Variants in POMT1 observed in about 807,000 individuals in gnomAD.
The protein encoded by POMT1 is protein O-mannosyltransferase 1, also known as protein O-mannosyl-transferase 1.
A neutral mutation model predicts 101.6 loss-of-function variants in POMT1; 85 were observed. That is an observed-to-expected ratio of 0.84 (90% CI 0.70 to 1.00). The LOEUF is 1.00. Among genes scored for constraint, POMT1 ranks in the 50% least tolerant of loss-of-function variants. POMT1 has a pLI of 0.00. For missense variants in POMT1, 857 were observed against 930.4 expected (o/e 0.92, Z 1.03); for synonymous variants, 371 against 383.0 (o/e 0.97, Z 0.37).
intron 4 of POMT1, chr9:131,506,717 T>C: frequency 1.9e-6 from 1 of 513,392 alleles, no homozygotes; most frequent in South Asian, 2.1e-5. Flanking sequence ...ACAGAGCGTC[T>C]GATTGTGATG....
chr9:131,508,836 T>G (rs1245121929), intron 5 of POMT1, 75 bp from the exon 6 acceptor site: 4 of 1,073,044 alleles, frequency 3.7e-6, no homozygotes, highest in South Asian at 2.5e-5. Flanking sequence ...AATGCCTTTT[T>G]TCATGAGTGT....
Position 131,507,475 on chromosome 9 carries a change from C to CCAG in POMT1, c.388_389insCAG (p.His130delinsProAsp). On this transcript the variant is annotated protein_altering_variant, in exon 5 of 20. Coordinates refer to ENST00000402686, the MANE Select transcript of POMT1 (RefSeq NM_001077365.2). Reference sequence around the variant, plus strand: ...GATAGTGTTGGAGCTCCACTTTTCTCATTGTGCCGCCATGGGAGCTGCTCT... The same window carrying CCAG: ...GATAGTGTTGGAGCTCCACTTTTCTCCAGATTGTGCCGCCATGGGAGCTGCTCT... 6.2e-7 allele frequency: 1 copy of CCAG among 1,614,186 alleles called. No individual in the cohort carries two copies. Among genetic ancestry groups the CCAG allele is most frequent in the Non-Finnish European group, 8.5e-7 (1 of 1,180,030 alleles).
Position 131,520,148 on chromosome 9 carries a change from C to T in POMT1, c.1653C>T (p.Val551=). 6.2e-7 allele frequency: 1 copy of T among 1,613,834 alleles called. No homozygotes were observed. The highest frequency in any genetic ancestry group is 8.5e-7 in the Non-Finnish European group (1 of 1,180,026). ...ACAGCTCCAGCCCACTGGAGTGGGTCACCCTGGACACCAATATTGCCTACT... is the reference window on the plus strand; with the variant it reads ...ACAGCTCCAGCCCACTGGAGTGGGTTACCCTGGACACCAATATTGCCTACT... ...HKYSSSPLEW[V]TLDTNIAYWL... is the part of the protein sequence containing the mutation. The change falls in exon 17 of 20, where the codon GTC becomes GTT. Residue 551 remains valine, a synonymous_variant. Transcript: ENST00000402686.
chr9:131,514,834 T>C (rs1947943311), intron 12 of POMT1, among the ~76,000 whole-genome samples: 1 of 152,176 alleles, frequency 6.6e-6, no homozygotes, highest in South Asian at 2.1e-4. Context: ...CATGTGCCTG[T>C]AATCCCAGCT....
In POMT1 at chr9:131,520,081, G is replaced by A; in HGVS notation, c.1586G>A (p.Trp529Ter). Residue 529 changes from tryptophan to a stop codon, truncating the protein, a stop_gained and splice_region_variant, in exon 17 of 20, where the codon TGG becomes TAG. Coordinates refer to ENST00000402686, the MANE Select transcript of POMT1 (RefSeq NM_001077365.2). LOFTEE classifies it high-confidence loss of function. ...SFMARFSELQWRMLALRSDDS... is the reference protein window; with the variant it reads ...SFMARFSELQ The stretch of plus-strand genomic sequence containing the variant: ...TCAGAGGCCTCTGCTTTGTTCCAGT[G>A]GAGGATGCTGGCGCTGAGAAGTGAT... 1 of 1,613,340 alleles carries A rather than the reference G, an allele frequency of 6.2e-7. No individual in the cohort carries two copies. The highest frequency in any genetic ancestry group is 1.3e-5 in the African/African-American group (1 of 75,030).
Position 131,509,807 on chromosome 9 carries a change from G to T in POMT1, c.604G>T (p.Gly202Cys), listed in dbSNP as rs1397038512. The change falls in exon 7 of 20, where the codon GGC (glycine) becomes TGC (cysteine). Residue 202 changes from glycine to cysteine, a missense_variant and splice_region_variant. By Grantham distance (159) the Gly-to-Cys change is radical. Coordinates refer to ENST00000402686, the MANE Select transcript of POMT1 (RefSeq NM_001077365.2). ...LTGVACSCAV[G>C]IKYMGVFTYV... ...AGGGGTCGCTTGTTCCTGTGCAGTG[G>T]GGTGAGTTTGAGCCTCTGGTCTTGG... 6.2e-7 allele frequency: 1 copy of T among 1,614,216 alleles called. No homozygotes were observed. The highest frequency in any genetic ancestry group is 8.5e-7 in the Non-Finnish European group (1 of 1,180,046).
At chr9:131,509,856 A>T in intron 7 of POMT1, 47 bp from the exon 8 acceptor site, 1 of 1,613,912 alleles carries the variant, frequency 6.2e-7, no homozygotes, top group Admixed American at 1.7e-5. Context: ...CCATCTCCTT[A>T]TGTTTTCCTG....
At position 131,518,831 on chromosome 9, in the gene POMT1, C is replaced by T. The variant is rs781702944; in HGVS notation, c.1366-6C>T. ...CACGCCCTTTACTCTCCTGCGGTGT[C>T]ACCAGCTGAGCGGGGCTCACCTCCC... On this transcript the variant is annotated splice_region_variant and splice_polypyrimidine_tract_variant and intron_variant, in intron 14 of 19. Coordinates refer to ENST00000402686, the MANE Select transcript of POMT1 (RefSeq NM_001077365.2). 7 of 1,613,852 alleles carry T rather than the reference C, an allele frequency of 4.3e-6. No individual in the cohort carries two copies. The African/African-American group carries it at 8.0e-5, about 18-fold the overall frequency.
rs531445533 is a variant in POMT1 at position 131,514,438 on chromosome 9, G to C, written c.1176-988G>C. 2.0e-5 allele frequency among the ~76,000 whole-genome samples: 3 copies of C among 152,362 alleles called. No individual in the cohort carries two copies. The South Asian group carries it at 6.2e-4, about 32-fold the overall frequency. On this transcript the variant is annotated intron_variant, in intron 12 of 19. Coordinates refer to ENST00000402686, the MANE Select transcript of POMT1 (RefSeq NM_001077365.2). ...CCATGGCCCCTCTATGTAGGGGTCT[G>C]CTGGGATGTCACTGCATCCAAAAGT... is the stretch of plus-strand genomic sequence containing the variant.
At chr9:131,520,436 C>T (rs1949689979) in intron 17 of POMT1, among the ~76,000 whole-genome samples, 1 of 152,212 alleles carries the variant, frequency 6.6e-6, no homozygotes, top group Non-Finnish European at 1.5e-5. Flanking sequence ...CACATTGTTC[C>T]CCTTTTCCTG....
chr9:131,506,538 C>CT (rs1251585331), intron 4 of POMT1, 85 bp downstream of exon 4: 776 of 1,310,572 alleles, frequency 5.9e-4, no homozygotes, highest in Non-Finnish European at 7.4e-4. Flanking sequence ...ACAACTGTGG[C>CT]TTTTTTTTTC....
At position 131,519,457 on chromosome 9, in the gene POMT1, A is replaced by G. The variant is rs1564381465; in HGVS notation, c.1555A>G (p.Ser519Gly). 1 of 1,551,156 alleles carries G rather than the reference A, an allele frequency of 6.4e-7. No homozygotes were observed. Among genetic ancestry groups the G allele is most frequent in the Admixed American group, 2.0e-5 (1 of 51,008 alleles). Residue 519 changes from serine to glycine, a missense_variant, in exon 16 of 20, where the codon AGC becomes GGC. By Grantham distance (56) the Ser-to-Gly change is moderately conservative (BLOSUM62 0). Transcript: ENST00000402686. The surrounding 1 kb of genome is among the most constrained non-coding windows in gnomAD (Gnocchi z 4.3). Reference sequence around the variant, plus strand: ...GCAGGTGGACGTCAGCAGGAACCTCAGCTTCATGGCGAGATTCTCGGAGCT... The same window carrying G: ...GCAGGTGGACGTCAGCAGGAACCTCGGCTTCATGGCGAGATTCTCGGAGCT... ...PAQVDVSRNLSFMARFSELQW... is the reference protein window; with the variant it reads ...PAQVDVSRNLGFMARFSELQW...
At chr9:131,521,149 A>T in intron 17 of POMT1, 197 bp from the exon 18 acceptor site, 1 of 696,890 alleles carries the variant, frequency 1.4e-6, no homozygotes, top group Non-Finnish European at 2.5e-6. Flanking sequence ...GGCTGGCATC[A>T]GTGCTTTTAA....
Position 131,503,852 on chromosome 9 carries a change from A to G in POMT1, c.-30-337A>G, listed in dbSNP as rs1273091561. On this transcript the variant is annotated intron_variant, in intron 1 of 19. Transcript: ENST00000402686. The surrounding 1 kb of genome is among the most constrained non-coding windows in gnomAD (Gnocchi z 4.4). ...CCCAGGGTCAGGTAGCTGTGGCCGC[A>G]CTGTGGGCTTCTGGTCGTCGGGGAG... Among the ~76,000 whole-genome samples, 4 of 152,134 alleles carry G rather than the reference A, an allele frequency of 2.6e-5. No individual in the cohort carries two copies. The highest frequency in any genetic ancestry group is 5.9e-5 in the Non-Finnish European group (4 of 68,004).
Position 131,519,468 on chromosome 9 carries a change from G to C in POMT1, c.1566G>C (p.Ala522=). ...TCAGCAGGAACCTCAGCTTCATGGCGAGATTCTCGGAGCTGCAGGTGAGGA... is the reference window on the plus strand; with the variant it reads ...TCAGCAGGAACCTCAGCTTCATGGCCAGATTCTCGGAGCTGCAGGTGAGGA... ...VDVSRNLSFM[A]RFSELQWRML... Residue 522 remains alanine, a synonymous_variant, in exon 16 of 20, where the codon GCG becomes GCC. Coordinates refer to ENST00000402686, the MANE Select transcript of POMT1 (RefSeq NM_001077365.2). This position sits in a 1 kb window ranked among gnomAD's most constrained non-coding sequence, Gnocchi z 4.3. 1 of 1,550,678 alleles carries C rather than the reference G, an allele frequency of 6.4e-7. No homozygotes were observed. The highest frequency in any genetic ancestry group is 8.7e-7 in the Non-Finnish European group (1 of 1,147,010).
At chr9:131,507,550 G>A in intron 5 of POMT1, 36 bp downstream of exon 5, 1 of 1,613,050 alleles carries the variant, frequency 6.2e-7, no homozygotes, top group Non-Finnish European at 8.5e-7. Flanking sequence ...TTGCTGTCAT[G>A]CAGGGAAGAA....
intron 11 of POMT1, 24 bp from the exon 12 acceptor site, chr9:131,513,215 T>G: frequency 1.2e-6 from 2 of 1,604,558 alleles, no homozygotes; most frequent in Non-Finnish European, 1.7e-6. Context: ...CTCTGTGTGG[T>G]CCCGACAGCA....
Position 131,518,828 on chromosome 9 carries a change from T to C in POMT1, c.1366-9T>C. The C allele has an allele frequency of 6.2e-7, 1 of 1,613,914 alleles. No individual in the cohort carries two copies. The highest frequency in any genetic ancestry group is 8.5e-7 in the Non-Finnish European group (1 of 1,180,030). ...CATCACGCCCTTTACTCTCCTGCGG[T>C]GTCACCAGCTGAGCGGGGCTCACCT... On this transcript the variant is annotated splice_polypyrimidine_tract_variant and intron_variant, in intron 14 of 19. Coordinates refer to ENST00000402686, the MANE Select transcript of POMT1 (RefSeq NM_001077365.2).
At position 131,522,906 on chromosome 9, in the gene POMT1, C is replaced by G; in HGVS notation, c.2004-26C>G. The G allele has an allele frequency of 6.4e-7, 1 of 1,564,852 alleles. No individual in the cohort carries two copies. The highest frequency in any genetic ancestry group is 8.6e-7 in the Non-Finnish European group (1 of 1,159,486). On this transcript the variant is annotated intron_variant, in intron 19 of 19. Transcript: ENST00000402686. The surrounding 1 kb of genome is among the most constrained non-coding windows in gnomAD (Gnocchi z 5.5). ...GGAAGCCGCAGTGGTCAGCCACCCT[C>G]CCCCACGCTGCTCTGACCTCTGCAG... is the stretch of plus-strand genomic sequence containing the variant.
Sources: gnomAD v4.1 joint callset for allele counts (sites outside exome capture counted in the v4.1 genomes callset) on GRCh38, gnomAD v4.1.1 for gene constraint, Gnocchi (gnomAD v3.1) non-coding constraint, MANE v1.5 for transcripts, NCBI Gene and HGNC (gene_info 2026-07-23, HGNC 2026-07-21) for gene names.